MATN3: variants seen among roughly 807,000 people sequenced by gnomAD.
MATN3 encodes matrilin 3.
A neutral mutation model predicts 45.3 loss-of-function variants in MATN3; 48 were observed. The ratio of observed to expected loss-of-function variants is 1.06; its 90% confidence interval spans 0.84 to 1.35. The LOEUF (loss-of-function observed/expected upper bound fraction) is 1.35. Ranked by LOEUF, MATN3 falls within the 40% of genes most tolerant of loss-of-function variation. The pLI, the probability that MATN3 is intolerant of heterozygous loss-of-function variation, is 0.00. For missense variants in MATN3, 599 were observed against 628.0 expected (o/e 0.95, Z 0.49); for synonymous variants, 217 against 245.9 (o/e 0.88, Z 1.10).
intron 3 of MATN3, among the ~76,000 whole-genome samples, chr2:20,002,671 C>G (rs1222637805): frequency 5.9e-5 from 9 of 152,132 alleles, no homozygotes; most frequent in Non-Finnish European, 1.3e-4. Context: ...ATTATCATAG[C>G]TCACTGCAGC....
intron 1 of MATN3, among the ~76,000 whole-genome samples, chr2:20,009,868 G>A (rs752649392): frequency 1.3e-4 from 20 of 151,516 alleles, no homozygotes; most frequent in Non-Finnish European, 2.4e-4. Context: ...CACCACCACC[G>A]GCTTTGAGTT....
In MATN3 at chr2:20,005,669, A is replaced by C. The variant is rs1043330162; in HGVS notation, c.790+75T>G. ...ATTAAATTTCCACCAAAAAAGAATA[A>C]TACTCTTTTCTCTGGGTACACAATG... is the stretch of plus-strand genomic sequence containing the variant. On this transcript the variant is annotated intron_variant, in intron 2 of 7. Coordinates refer to ENST00000407540, the MANE Select transcript of MATN3 (RefSeq NM_002381.5). 23 of 1,228,036 alleles carry C rather than the reference A, an allele frequency of 1.9e-5. No individual in the cohort carries two copies. The Admixed American group carries it at 2.5e-4, about 14-fold the overall frequency. 76.1% of individuals were successfully genotyped at this position (1,228,036 alleles called of 1,614,324 possible).
chr2:19,993,300 C>G (rs771641446), intron 7 of MATN3, 134 bp from the exon 8 acceptor site: 24 of 743,812 alleles, frequency 3.2e-5, no homozygotes, highest in Non-Finnish European at 5.3e-5. Flanking sequence ...GTTTTCTCAC[C>G]AAAAGTTGAA....
At chr2:20,003,487 T>A (rs1673030513) in intron 2 of MATN3, among the ~76,000 whole-genome samples, 1 of 152,250 alleles carries the variant, frequency 6.6e-6, no homozygotes, top group Admixed American at 6.5e-5. Flanking sequence ...AATTTAAAAG[T>A]ACACATCTTG....
Position 20,003,160 on chromosome 2 carries a change from C to T in MATN3, c.916+1G>A, listed in dbSNP as rs1042956777. 1 of 1,613,940 alleles carries T rather than the reference C, an allele frequency of 6.2e-7. No homozygotes were observed. The highest frequency in any genetic ancestry group is 8.5e-7 in the Non-Finnish European group (1 of 1,179,832). On this transcript the variant is annotated splice_donor_variant, in intron 3 of 7. Transcript: ENST00000407540. LOFTEE classifies it high-confidence loss of function. ...GTCACGGCCCCCTACACAGGCCTCA[C>T]CTGAACACGTTTTCTTGTCGGCATT...
At chr2:20,003,434 C>G (rs564844868) in intron 2 of MATN3, 148 bp from the exon 3 acceptor site, 22 of 732,964 alleles carry the variant, frequency 3.0e-5, no homozygotes, top group Non-Finnish European at 4.5e-5. Flanking sequence ...TTTTCTGCCT[C>G]TGGCTTATTA....
chr2:19,997,320 A>G, intron 5 of MATN3, 61 bp from the exon 6 acceptor site: 1 of 1,499,376 alleles, frequency 6.7e-7, no homozygotes, highest in Admixed American at 2.3e-5. Flanking sequence ...GTAAACACAA[A>G]TGTTTGAGAG....
intron 1 of MATN3, among the ~76,000 whole-genome samples, chr2:20,009,398 A>T (rs1484967742): frequency 1.3e-5 from 2 of 152,014 alleles, no homozygotes; most frequent in Admixed American, 6.6e-5. Flanking sequence ...CAGACACCAC[A>T]TGTTCTCACT....
rs181814010 is a variant in MATN3 at position 20,008,163 on chromosome 2, A to G, written c.224-1853T>C. On this transcript the variant is annotated intron_variant, in intron 1 of 7. Transcript: ENST00000407540. The stretch of plus-strand genomic sequence containing the variant: ...TTTTTCATAGAGACGGGGTTTCACT[A>G]TGTTGGCCAGGCTGGGCTCAAACTC... Among the ~76,000 whole-genome samples, 94 of 152,222 alleles carry G rather than the reference A, an allele frequency of 6.2e-4. No individual in the cohort carries two copies. In the Middle Eastern group the frequency reaches 0.014, roughly 22 times the overall value.
chr2:19,999,871 A>C (rs941479526), intron 5 of MATN3, among the ~76,000 whole-genome samples: 7 of 152,184 alleles, frequency 4.6e-5, no homozygotes, highest in African/African-American at 1.7e-4. Context: ...GATTAACAGC[A>C]CTGGCCTGGG....
chr2:19,992,739 T>G lies in MATN3; in HGVS notation c.*372A>C, dbSNP rs1192328060. ...AGATTGATTTATATTATAAATACTA[T>G]CAAAAGAAACTAGACCTAAAGTTTC... On this transcript the variant is annotated 3_prime_UTR_variant, in exon 8 of 8. Transcript: ENST00000407540. 1 of 203,192 alleles carries G rather than the reference T, an allele frequency of 4.9e-6. No homozygotes were observed. The highest frequency in any genetic ancestry group is 2.4e-5 in the African/African-American group (1 of 42,060). The allele number at this position is 203,192 out of a possible 1,614,324, so 12.6% of individuals were successfully genotyped here.
chr2:20,009,453 G>A (rs1362358033), intron 1 of MATN3, among the ~76,000 whole-genome samples: 1 of 151,930 alleles, frequency 6.6e-6, no homozygotes, highest in Non-Finnish European at 1.5e-5. Flanking sequence ...CATAGGGAGG[G>A]GAACATCACA....
chr2:19,997,459 A>G (rs1405476155), intron 5 of MATN3, 200 bp from the exon 6 acceptor site: 1 of 511,662 alleles, frequency 2.0e-6, no homozygotes, highest in Non-Finnish European at 3.5e-6. Flanking sequence ...CTCACATCAC[A>G]CACACTCCTT....
Position 19,993,071 on chromosome 2 carries a change from A to G in MATN3, c.*40T>C, listed in dbSNP as rs186870177. The G allele has an allele frequency of 1.3e-6, 2 of 1,536,556 alleles. No individual in the cohort carries two copies. The highest frequency in any genetic ancestry group is 4.5e-5 in the East Asian group (2 of 44,468). On this transcript the variant is annotated 3_prime_UTR_variant, in exon 8 of 8. Coordinates refer to ENST00000407540, the MANE Select transcript of MATN3 (RefSeq NM_002381.5). ...AAAAGAATGCATGAGTATTAAGTAC[A>G]CCAAGCTGTCCACATTTTCAGGTGA...
Position 20,012,160 on chromosome 2 carries a change from G to A in MATN3, c.223+249C>T, listed in dbSNP as rs1673230042. On this transcript the variant is annotated intron_variant, in intron 1 of 7. Transcript: ENST00000407540. This position sits in a 1 kb window ranked among gnomAD's most constrained non-coding sequence, Gnocchi z 4.3. ...AGCCCCTGCGCTCCCCAGCTGCCCT[G>A]TGCTCCTGGCCGAATCACAGGGGAG... Among the ~76,000 whole-genome samples, 1 of 152,232 alleles carries A rather than the reference G, an allele frequency of 6.6e-6. No homozygotes were observed. Among genetic ancestry groups the A allele is most frequent in the African/African-American group, 2.4e-5 (1 of 41,456 alleles).
In MATN3 at chr2:20,012,488, A is replaced by C. The variant is rs1040968280; in HGVS notation, c.144T>G (p.Pro48=). The C allele has an allele frequency of 9.8e-6, 12 of 1,229,046 alleles. No individual in the cohort carries two copies. Among genetic ancestry groups the C allele is most frequent in the African/African-American group, 1.6e-5 (1 of 64,278 alleles). 76.1% of individuals were successfully genotyped at this position (1,229,046 alleles called of 1,614,324 possible). ...GAGCCGCAGGAGAGGGGCGGCGTCC[A>C]GGGCTGCCCCCGGGACCTCGGGTCT... ...RLETRGPGGS[P]GRRPSPAAPD... is the part of the protein sequence containing the mutation. Residue 48 remains proline, a synonymous_variant, in exon 1 of 8, where the codon CCT becomes CCG. Coordinates refer to ENST00000407540, the MANE Select transcript of MATN3 (RefSeq NM_002381.5). The surrounding 1 kb of genome is among the most constrained non-coding windows in gnomAD (Gnocchi z 4.3).
intron 4 of MATN3, 123 bp from the exon 5 acceptor site, chr2:20,000,689 C>T: frequency 1.1e-6 from 1 of 913,600 alleles, no homozygotes. Flanking sequence ...TATTCAAAGC[C>T]ATTGGCACTG....
At position 20,012,491 on chromosome 2, in the gene MATN3, G is replaced by A. The variant is rs948946037; in HGVS notation, c.141C>T (p.Ser47=). The part of the protein sequence containing the change: ...RRLETRGPGG[S]PGRRPSPAAP... ...CCGCAGGAGAGGGGCGGCGTCCAGG[G>A]CTGCCCCCGGGACCTCGGGTCTCCA... Residue 47 remains serine (S), a synonymous_variant, in exon 1 of 8, where the codon AGC becomes AGT. Transcript: ENST00000407540. This position sits in a 1 kb window ranked among gnomAD's most constrained non-coding sequence, Gnocchi z 4.3. The A allele has an allele frequency of 3.3e-6, 4 of 1,229,138 alleles. No homozygotes were observed. In the African/African-American group the frequency reaches 4.7e-5, roughly 14 times the overall value. 76.1% of individuals were successfully genotyped at this position (1,229,138 alleles called of 1,614,324 possible). A position where few individuals can be genotyped will look rare whatever the true frequency, so the allele number is the denominator to read the frequency against.
intron 1 of MATN3, among the ~76,000 whole-genome samples, chr2:20,008,014 G>A (rs1189531874): frequency 6.6e-6 from 1 of 152,194 alleles, no homozygotes; most frequent in East Asian, 1.9e-4. Context: ...CCAGGCTGGA[G>A]TGCGGTGGTG....
Sources: gnomAD v4.1 joint callset for allele counts (sites outside exome capture counted in the v4.1 genomes callset) on GRCh38, gnomAD v4.1.1 for gene constraint, Gnocchi (gnomAD v3.1) non-coding constraint, MANE v1.5 for transcripts, NCBI Gene and HGNC (gene_info 2026-07-23, HGNC 2026-07-21) for gene names.